The following FAM168A variants were observed in gnomAD, a reference collection of about 807,000 sequenced individuals.
FAM168A encodes the protein family with sequence similarity 168 member A, also known as protein FAM168A.
A neutral mutation model predicts 28.5 loss-of-function variants in FAM168A; 3 were observed. That is an observed-to-expected ratio of 0.11 (90% CI 0.05 to 0.27). The LOEUF (loss-of-function observed/expected upper bound fraction) is 0.27, where lower values mean the gene tolerates loss of function less well. FAM168A is among the 10% of genes least tolerant of loss of function. The pLI is 1.00. For missense variants in FAM168A, 222 were observed against 311.5 expected (o/e 0.71, Z 2.16); for synonymous variants, 122 against 124.2 (o/e 0.98, Z 0.12).
chr11:73,420,557 C>A (rs139812848), intron 3 of FAM168A, among the ~76,000 whole-genome samples: 7 of 152,354 alleles, frequency 4.6e-5, no homozygotes, highest in Non-Finnish European at 8.8e-5. Context: ...TGTGCCACAC[C>A]GAACCTAGTT....
At chr11:73,543,938 C>T (rs1444908149) in intron 1 of FAM168A, among the ~76,000 whole-genome samples, 1 of 152,066 alleles carries the variant, frequency 6.6e-6, no homozygotes, top group Admixed American at 6.6e-5. Context: ...AGAGACCAGC[C>T]TGGGCAACAT....
intron 1 of FAM168A, among the ~76,000 whole-genome samples, chr11:73,538,228 C>T (rs1365735794): frequency 6.6e-6 from 1 of 151,702 alleles, no homozygotes; most frequent in Non-Finnish European, 1.5e-5. Context: ...TGCTGAATTG[C>T]ATTATACTAA....
At chr11:73,444,826 T>C (rs1388508054) in intron 2 of FAM168A, among the ~76,000 whole-genome samples, 1 of 152,242 alleles carries the variant, frequency 6.6e-6, no homozygotes, top group Non-Finnish European at 1.5e-5. Flanking sequence ...TGTATGTATG[T>C]TCATTTTAAA....
intron 1 of FAM168A, among the ~76,000 whole-genome samples, chr11:73,587,072 A>G (rs1035655354): frequency 2.6e-5 from 4 of 151,890 alleles, no homozygotes; most frequent in African/African-American, 9.7e-5. Flanking sequence ...ATATCAACAA[A>G]TAAAAATACG....
intron 1 of FAM168A, among the ~76,000 whole-genome samples, chr11:73,587,553 G>A (rs1218800980): frequency 3.3e-5 from 5 of 152,020 alleles, no homozygotes; most frequent in Non-Finnish European, 7.4e-5. Context: ...CCCAGGCACA[G>A]TGGTGCAGAG....
In FAM168A at chr11:73,538,358, G is replaced by A. The variant is rs144397470; in HGVS notation, c.-19+59565C>T. 4.5e-4 allele frequency among the ~76,000 whole-genome samples: 69 copies of A among 151,880 alleles called. No homozygotes were observed. The East Asian group carries it at 0.012, about 26-fold the overall frequency. On this transcript the variant is annotated intron_variant, in intron 1 of 7. Transcript: ENST00000356467. ...ACAAAAAACAAAAAAAAAAAAGAGA[G>A]AGAGAGAGTGAAGTAGCAACATCAA...
At chr11:73,592,743 C>T (rs1944396820) in intron 1 of FAM168A, among the ~76,000 whole-genome samples, 1 of 151,780 alleles carries the variant, frequency 6.6e-6, no homozygotes, top group Non-Finnish European at 1.5e-5. Context: ...ATATGTGGCA[C>T]AAAATATTTT....
intron 1 of FAM168A, among the ~76,000 whole-genome samples, chr11:73,493,819 A>C (rs1176573471): frequency 6.6e-6 from 1 of 152,262 alleles, no homozygotes; most frequent in Non-Finnish European, 1.5e-5. Flanking sequence ...TGGAGAGAGG[A>C]AAGAACAACA....
intron 1 of FAM168A, among the ~76,000 whole-genome samples, chr11:73,490,084 C>G (rs936409322): frequency 6.6e-6 from 1 of 152,218 alleles, no homozygotes; most frequent in Non-Finnish European, 1.5e-5. Flanking sequence ...CCCCAGTTCA[C>G]TGAATTGCAA....
chr11:73,433,883 G>C (rs963263140), intron 2 of FAM168A, among the ~76,000 whole-genome samples: 20 of 113,066 alleles, frequency 1.8e-4, no homozygotes, highest in Non-Finnish European at 3.1e-4. Context: ...GTTTCACTCT[G>C]TCGCCAGGCT....
At chr11:73,587,461 C>T (rs1191826508) in intron 1 of FAM168A, among the ~76,000 whole-genome samples, 1 of 150,014 alleles carries the variant, frequency 6.7e-6, no homozygotes, top group Admixed American at 6.7e-5. Context: ...CACTGCACTC[C>T]AGCTGAGGTG....
At chr11:73,508,186 G>A (rs942762114) in intron 1 of FAM168A, among the ~76,000 whole-genome samples, 5 of 152,168 alleles carry the variant, frequency 3.3e-5, no homozygotes, top group Admixed American at 1.3e-4. Context: ...TCAATAAAAA[G>A]GAGCATCACC....
intron 1 of FAM168A, among the ~76,000 whole-genome samples, chr11:73,496,102 T>C (rs1374949929): frequency 6.6e-6 from 1 of 151,600 alleles, no homozygotes; most frequent in African/African-American, 2.4e-5. Context: ...ACACACAACC[T>C]GCACCCACAC....
intron 1 of FAM168A, among the ~76,000 whole-genome samples, chr11:73,577,176 C>A (rs999102741): frequency 1.3e-5 from 2 of 152,200 alleles, no homozygotes; most frequent in African/African-American, 2.4e-5. Flanking sequence ...CGTCACTGGG[C>A]ATCTGCTATA....
Position 73,405,238 on chromosome 11 carries a change from A to G in FAM168A, c.*1525T>C, listed in dbSNP as rs2134472104. On this transcript the variant is annotated 3_prime_UTR_variant, in exon 8 of 8. Transcript: ENST00000356467. ...CGGAAGTTCCAGATGTCTTCACAGA[A>G]TTTCCAAATGCTATTTCTTCATTTG... The G allele has an allele frequency of 6.6e-6, 1 of 152,274 alleles. No individual in the cohort carries two copies. The highest frequency in any genetic ancestry group is 3.4e-3 in the Middle Eastern group (1 of 294). The allele number at this position is 152,274 out of a possible 1,614,324, so 9.4% of individuals were successfully genotyped here. A position where few individuals can be genotyped will look rare whatever the true frequency, so the allele number is the denominator to read the frequency against.
intron 1 of FAM168A, among the ~76,000 whole-genome samples, chr11:73,519,333 A>G (rs1353393583): frequency 1.3e-5 from 2 of 152,132 alleles, no homozygotes; most frequent in Non-Finnish European, 2.9e-5. Context: ...TTCAACAAAT[A>G]TTTGTTATGA....
intron 1 of FAM168A, among the ~76,000 whole-genome samples, chr11:73,581,788 G>A (rs12286902): frequency 1.3e-5 from 2 of 151,754 alleles, no homozygotes; most frequent in South Asian, 2.1e-4. Flanking sequence ...GCGCAATCTC[G>A]CCTCGCTGCA....
At chr11:73,596,418 A>G (rs1944439888) in intron 1 of FAM168A, among the ~76,000 whole-genome samples, 1 of 152,152 alleles carries the variant, frequency 6.6e-6, no homozygotes, top group African/African-American at 2.4e-5. Flanking sequence ...TATACAAATA[A>G]CAGAAGACAC....
chr11:73,448,465 G>C (rs11235758), intron 2 of FAM168A, among the ~76,000 whole-genome samples: 4,520 of 152,306 alleles, frequency 0.03, 221 homozygotes, highest in African/African-American at 0.1. Flanking sequence ...AACTAGAGAA[G>C]CTAATTTACT....
Sources: allele counts gnomAD v4.1 joint callset (sites outside exome capture counted in the v4.1 genomes callset), GRCh38; gene constraint gnomAD v4.1.1; transcripts MANE v1.5; gene names NCBI Gene and HGNC (gene_info 2026-07-23, HGNC 2026-07-21).